FRYL: variants seen among roughly 807,000 people sequenced by gnomAD.
FRYL encodes protein furry homolog-like.
FRYL carries 150 observed loss-of-function variants against 351.2 expected under a neutral mutation model. The ratio of observed to expected loss-of-function variants is 0.43; its 90% CI spans 0.37 to 0.49. FRYL has a LOEUF of 0.49. FRYL is among the 20% of genes least tolerant of loss of function. The probability of loss-of-function intolerance (pLI) is 0.00; values close to 1 mark genes in which losing one functional copy is unlikely to be tolerated. For synonymous variants in FRYL, 1,153 were observed against 1,257.1 expected (o/e 0.92, Z 1.75); for missense variants, 3,036 against 3,619.3 (o/e 0.84, Z 4.13).
chr4:48,733,510 G>A (rs1770967455), intron 1 of FRYL, among the ~76,000 whole-genome samples: 1 of 151,910 alleles, frequency 6.6e-6, no homozygotes, highest in African/African-American at 2.4e-5. Context: ...AGATCTGCAA[G>A]GAAAAACTCT....
chr4:48,757,361 C>T (rs1290726620), intron 1 of FRYL, among the ~76,000 whole-genome samples: 2 of 152,190 alleles, frequency 1.3e-5, no homozygotes, highest in African/African-American at 2.4e-5. Context: ...AGCCCAAAAT[C>T]TCCTTAAGCT....
chr4:48,617,145 GA>G (rs1749650206), intron 7 of FRYL, among the ~76,000 whole-genome samples: 1 of 152,012 alleles, frequency 6.6e-6, no homozygotes, highest in Non-Finnish European at 1.5e-5. Context: ...AGCGTATGGG[GA>G]TAATAGTAAC....
rs1739383532 is a variant in FRYL at position 48,575,376 on chromosome 4, A to G, written c.2722-135T>C. 4 of 897,702 alleles carry G rather than the reference A, an allele frequency of 4.5e-6. No homozygotes were observed. In the Admixed American group the frequency reaches 1.0e-4, roughly 22 times the overall value. 55.6% of individuals were successfully genotyped at this position (897,702 alleles called of 1,614,324 possible). Reference sequence around the variant, plus strand: ...TACTATGAATGATACCTCAAATTTCACCTGGGGTGTACATAACTTAAAAGG... The same window carrying G: ...TACTATGAATGATACCTCAAATTTCGCCTGGGGTGTACATAACTTAAAAGG... On this transcript the variant is annotated intron_variant, in intron 24 of 63. Coordinates refer to ENST00000358350, the MANE Select transcript of FRYL (RefSeq NM_015030.2).
intron 47 of FRYL, among the ~76,000 whole-genome samples, chr4:48,538,904 A>T (rs1400810274): frequency 1.3e-5 from 2 of 152,156 alleles, no homozygotes; most frequent in African/African-American, 4.8e-5. Context: ...TGACTGACTG[A>T]AAAAAGTTAT....
intron 3 of FRYL, among the ~76,000 whole-genome samples, chr4:48,653,304 T>C (rs781534454): frequency 2.6e-5 from 4 of 152,194 alleles, no homozygotes; most frequent in Non-Finnish European, 4.4e-5. Context: ...TGCCTTAAGA[T>C]AGCTGATGTT....
intron 27 of FRYL, among the ~76,000 whole-genome samples, chr4:48,568,777 T>C (rs1387646667): frequency 6.6e-6 from 1 of 152,190 alleles, no homozygotes. Flanking sequence ...AATGAGTGTT[T>C]TTCAAGCTCT....
chr4:48,720,007 G>C (rs1276432571), intron 1 of FRYL, among the ~76,000 whole-genome samples: 2 of 150,848 alleles, frequency 1.3e-5, no homozygotes, highest in East Asian at 1.9e-4. Flanking sequence ...AAAATTAGCT[G>C]GGTGTGGTGG....
Position 48,501,664 on chromosome 4 carries a change from T to C in FRYL, c.8551A>G (p.Lys2851Glu). 1 of 1,610,316 alleles carries C rather than the reference T, an allele frequency of 6.2e-7. No individual in the cohort carries two copies. The highest frequency in any genetic ancestry group is 2.2e-5 in the East Asian group (1 of 44,742). The change falls in exon 62 of 64, where the codon AAA (lysine) becomes GAA (glutamate). Residue 2851 changes from lysine to glutamate, a missense_variant. Coordinates refer to ENST00000358350, the MANE Select transcript of FRYL (RefSeq NM_015030.2). The part of the protein sequence containing the change: ...QLLLLFQAYC[K>E]LINQVNTIKN... ...ATCGTATTTACTTGGTTGATAAGTT[T>C]ACAGTAGGCCTGGAACAGAAGCAGC... is the stretch of plus-strand genomic sequence containing the variant.
chr4:48,740,317 C>T (rs1771911046), intron 1 of FRYL, among the ~76,000 whole-genome samples: 1 of 101,736 alleles, frequency 9.8e-6, no homozygotes, highest in Admixed American at 1.3e-4. Flanking sequence ...TTTTTTGAGA[C>T]AGAGTCTCGC....
intron 7 of FRYL, chr4:48,618,953 G>T (rs1436406102): frequency 4.6e-6 from 1 of 215,056 alleles, no homozygotes; most frequent in Non-Finnish European, 9.1e-6. Context: ...AAATAAAGTG[G>T]AATAAGGGAC....
At chr4:48,512,949 C>T (rs1722790572) in intron 56 of FRYL, among the ~76,000 whole-genome samples, 1 of 152,156 alleles carries the variant, frequency 6.6e-6, no homozygotes, top group Non-Finnish European at 1.5e-5. Context: ...TATGCCACCA[C>T]TATGGATTCA....
intron 2 of FRYL, among the ~76,000 whole-genome samples, chr4:48,700,427 T>G (rs1221472465): frequency 1.3e-5 from 2 of 152,184 alleles, no homozygotes; most frequent in African/African-American, 4.8e-5. Flanking sequence ...TATGACAATT[T>G]TACATTTTAA....
chr4:48,591,325 T>C (rs915988369), intron 16 of FRYL, among the ~76,000 whole-genome samples: 1 of 152,206 alleles, frequency 6.6e-6, no homozygotes, highest in African/African-American at 2.4e-5. Flanking sequence ...TTTGGAAACA[T>C]TACAGCACCA....
At chr4:48,521,598 A>G (rs1016195793) in intron 54 of FRYL, among the ~76,000 whole-genome samples, 1 of 152,170 alleles carries the variant, frequency 6.6e-6, no homozygotes, top group African/African-American at 2.4e-5. Context: ...ATTCACATCT[A>G]CTTACTAGCT....
rs565329396 is a variant in FRYL, at chr4:48,576,448, G to C, written c.2529-226C>G. Among the ~76,000 whole-genome samples the C allele has an allele frequency of 5.3e-5, 8 of 151,972 alleles. No homozygotes were observed. In the East Asian group the frequency reaches 1.4e-3, roughly 26 times the overall value. ...GCCTCCAGAGTAGCTGGGACTACAG[G>C]TGTGTGCCATCACGCCCAGCAAATG... On this transcript the variant is annotated intron_variant, in intron 23 of 63. Coordinates refer to ENST00000358350, the MANE Select transcript of FRYL (RefSeq NM_015030.2).
intron 30 of FRYL, among the ~76,000 whole-genome samples, chr4:48,564,416 A>G (rs1455693420): frequency 2.0e-5 from 3 of 152,186 alleles, no homozygotes; most frequent in Non-Finnish European, 4.4e-5. Context: ...AACCTCTCCA[A>G]TTATTTTTAT....
At chr4:48,740,494 C>T (rs1771932543) in intron 1 of FRYL, among the ~76,000 whole-genome samples, 1 of 151,882 alleles carries the variant, frequency 6.6e-6, no homozygotes, top group African/African-American at 2.4e-5. Context: ...AGGGTTTCAC[C>T]ATGTTAGCCA....
Position 48,543,943 on chromosome 4 carries a change from G to GA in FRYL, c.5455dup (p.Ser1819PhefsTer29). 1 of 1,613,892 alleles carries GA rather than the reference G, an allele frequency of 6.2e-7. No homozygotes were observed. The highest frequency in any genetic ancestry group is 8.5e-7 in the Non-Finnish European group (1 of 1,179,836). ...CCCAGCATAGTGTCGAGAAGAACAG[G>GA]AAAGTGCTGTTTGCAGAGCAACTTC... On this transcript the variant is annotated frameshift_variant, in exon 44 of 64. Coordinates refer to ENST00000358350, the MANE Select transcript of FRYL (RefSeq NM_015030.2). LOFTEE classifies it high-confidence loss of function.
chr4:48,510,275 TAACTC>T (rs760707726), intron 58 of FRYL, 118 bp from the exon 59 acceptor site: 24 of 728,952 alleles, frequency 3.3e-5, no homozygotes, highest in African/African-American at 1.0e-4. Context: ...GATATTCTCT[TAACTC>T]TACTCTGTCC....
Sources: allele counts gnomAD v4.1 joint callset (sites outside exome capture counted in the v4.1 genomes callset), GRCh38; gene constraint gnomAD v4.1.1; transcripts MANE v1.5; gene names NCBI Gene and HGNC (gene_info 2026-07-23, HGNC 2026-07-21).